PKD2: variants seen among roughly 807,000 people sequenced by gnomAD.
PKD2 encodes the protein polycystin 2, transient receptor potential cation channel.
In PKD2, 48 loss-of-function variants were observed where a neutral mutation model predicts 105.9. The observed-to-expected ratio is 0.45, with a 90% CI of 0.36 to 0.58. PKD2 has a LOEUF of 0.58. Among genes scored for constraint, PKD2 ranks in the 20% least tolerant of loss-of-function variants. The pLI is 0.00. For missense variants in PKD2, 1,078 were observed against 1,255.3 expected (o/e 0.86, Z 2.13); for synonymous variants, 464 against 481.1 (o/e 0.96, Z 0.46).
At chr4:88,008,424 C>G (rs1463694790) in intron 1 of PKD2, 96 bp downstream of exon 1, 1 of 1,399,588 alleles carries the variant, frequency 7.1e-7, no homozygotes, top group Non-Finnish European at 9.4e-7. Context: ...CGGGCTCCAT[C>G]TCGCATCCCC....
intron 13 of PKD2, among the ~76,000 whole-genome samples, chr4:88,070,067 A>G (rs1720954748): frequency 6.6e-6 from 1 of 152,186 alleles, no homozygotes; most frequent in South Asian, 2.1e-4. Flanking sequence ...TTTCAGCATA[A>G]AGAATTTCCT....
intron 12 of PKD2, among the ~76,000 whole-genome samples, chr4:88,067,360 A>C (rs896164431): frequency 6.6e-6 from 1 of 152,076 alleles, no homozygotes; most frequent in Non-Finnish European, 1.5e-5. Context: ...TCATTTCTTT[A>C]TTTATTTTAT....
intron 1 of PKD2, among the ~76,000 whole-genome samples, chr4:88,018,353 G>T (rs1394221188): frequency 6.6e-6 from 1 of 152,096 alleles, no homozygotes; most frequent in African/African-American, 2.4e-5. Context: ...TCATTTCTTC[G>T]AAGTAAAAGG....
chr4:88,069,620 G>A (rs971413245), intron 13 of PKD2, among the ~76,000 whole-genome samples: 2 of 151,668 alleles, frequency 1.3e-5, no homozygotes, highest in Non-Finnish European at 2.9e-5. Context: ...ATCTACATAT[G>A]TTGCAAATCA....
intron 1 of PKD2, 68 bp from the exon 2 acceptor site, chr4:88,019,390 C>T (rs1448678870): frequency 1.1e-5 from 9 of 814,948 alleles, no homozygotes; most frequent in African/African-American, 1.7e-5. Context: ...CTTTATTTTC[C>T]CTTTTGCCAT....
At chr4:88,019,984 C>A (rs934612343) in intron 2 of PKD2, among the ~76,000 whole-genome samples, 2 of 152,190 alleles carry the variant, frequency 1.3e-5, no homozygotes, top group African/African-American at 4.8e-5. Context: ...CTTCTGCACT[C>A]TGGTAAACAT....
At chr4:88,017,009 A>G (rs1448624856) in intron 1 of PKD2, among the ~76,000 whole-genome samples, 2 of 151,746 alleles carry the variant, frequency 1.3e-5, no homozygotes, top group Non-Finnish European at 2.9e-5. Context: ...AAGAAAATAT[A>G]TGGATGTATA....
Position 88,046,808 on chromosome 4 carries a change from C to T in PKD2, c.1486C>T (p.Arg496Cys), listed in dbSNP as rs977431912. ...TGTGGTGGAAGAGATATTGGAAATT[C>T]GCATTCACAAACTACACTATTTCAG... ...YYVVEEILEI[R>C]IHKLHYFRSF... Residue 496 changes from arginine to cysteine, a missense_variant, in exon 6 of 15, where the codon CGC (arginine) becomes TGC (cysteine). By Grantham distance (180) the Arg-to-Cys change is radical. Coordinates refer to ENST00000237596, the MANE Select transcript of PKD2 (RefSeq NM_000297.4). The T allele has an allele frequency of 1.2e-6, 2 of 1,611,878 alleles. No homozygotes were observed. Among genetic ancestry groups the T allele is most frequent in the Non-Finnish European group, 1.7e-6 (2 of 1,177,970 alleles).
intron 5 of PKD2, among the ~76,000 whole-genome samples, chr4:88,043,731 T>A (rs561451835): frequency 1.3e-5 from 2 of 152,326 alleles, no homozygotes; most frequent in East Asian, 3.9e-4. Context: ...AAAAGTATTG[T>A]GTTTTTCTAA....
At chr4:88,044,102 A>G (rs1018838973) in intron 5 of PKD2, among the ~76,000 whole-genome samples, 1 of 152,188 alleles carries the variant, frequency 6.6e-6, no homozygotes, top group East Asian at 1.9e-4. Context: ...TGGGCTAGGC[A>G]TTGTTCTCGG....
intron 12 of PKD2, among the ~76,000 whole-genome samples, chr4:88,067,401 C>T (rs1720835689): frequency 6.6e-6 from 1 of 152,144 alleles, no homozygotes; most frequent in Non-Finnish European, 1.5e-5. Context: ...TGGCCCACTG[C>T]AGCCTCAAAC....
rs918975057 is a variant in PKD2 at position 88,008,452 on chromosome 4, T to C, written c.595+124T>C. 2.0e-5 allele frequency: 24 copies of C among 1,228,362 alleles called. No homozygotes were observed. In the African/African-American group the frequency reaches 3.6e-4, roughly 19 times the overall value. 76.1% of individuals were successfully genotyped at this position (1,228,362 alleles called of 1,614,324 possible). A position where few individuals can be genotyped will look rare whatever the true frequency, so the allele number is the denominator to read the frequency against. ...GCATCCCCTCTGCGTTCCGCCTCCC[T>C]TGGAAGCGCATTCCCCACCTCCGCT... On this transcript the variant is annotated intron_variant, in intron 1 of 14. Transcript: ENST00000237596.
chr4:88,044,837 T>G (rs2110113825), intron 5 of PKD2, among the ~76,000 whole-genome samples: 1 of 152,236 alleles, frequency 6.6e-6, no homozygotes, highest in East Asian at 1.9e-4. Flanking sequence ...GCATTTTATA[T>G]TTCAGATTTT....
intron 2 of PKD2, 31 bp from the exon 3 acceptor site, chr4:88,036,189 G>A: frequency 6.2e-7 from 1 of 1,613,572 alleles, no homozygotes; most frequent in Non-Finnish European, 8.5e-7. Flanking sequence ...GGTTCCCTTG[G>A]GGCGTTCATT....
At chr4:88,064,063 G>T (rs371965245) in intron 10 of PKD2, among the ~76,000 whole-genome samples, 1 of 152,202 alleles carries the variant, frequency 6.6e-6, no homozygotes, top group Non-Finnish European at 1.5e-5. Flanking sequence ...GCTGAGGCAC[G>T]AGAATTGCTT....
chr4:88,013,356 A>G (rs1434371229), intron 1 of PKD2, among the ~76,000 whole-genome samples: 2 of 152,200 alleles, frequency 1.3e-5, no homozygotes, highest in African/African-American at 4.8e-5. Flanking sequence ...TTTAGTAGGG[A>G]AAACAGAGGT....
At chr4:88,026,390 A>G (rs774795613) in intron 2 of PKD2, among the ~76,000 whole-genome samples, 5 of 152,200 alleles carry the variant, frequency 3.3e-5, no homozygotes, top group Non-Finnish European at 5.9e-5. Context: ...CATGATTTAG[A>G]GTATCTGGCA....
intron 2 of PKD2, among the ~76,000 whole-genome samples, chr4:88,028,480 G>C (rs1338905303): frequency 6.6e-6 from 1 of 152,214 alleles, no homozygotes; most frequent in East Asian, 1.9e-4. Flanking sequence ...TATGACTGGA[G>C]GGCTCCTCGC....
intron 8 of PKD2, among the ~76,000 whole-genome samples, chr4:88,057,175 A>C (rs578003458): frequency 1.5e-4 from 23 of 151,894 alleles, no homozygotes; most frequent in South Asian, 4.2e-4. Context: ...TTTTTTTATG[A>C]GAAGGGATCT....
Sources: gnomAD v4.1 joint callset for allele counts (sites outside exome capture counted in the v4.1 genomes callset) on GRCh38, gnomAD v4.1.1 for gene constraint, MANE v1.5 for transcripts, NCBI Gene and HGNC (gene_info 2026-07-23, HGNC 2026-07-21) for gene names.